The following ZNF589 variants were observed in gnomAD, a reference collection of about 807,000 sequenced individuals.
ZNF589 encodes the protein KRAB-zinc finger protein SZF1-1.
Under a neutral mutation model 13.6 loss-of-function variants are expected in ZNF589, and 17 were observed. The ratio of observed to expected loss-of-function variants is 1.25; its 90% CI spans 0.86 to 1.88. The LOEUF (loss-of-function observed/expected upper bound fraction) is 1.88. Among genes scored for constraint, ZNF589 ranks in the 40% most tolerant of loss-of-function variants. The pLI is 0.00. For missense variants in ZNF589, 407 were observed against 434.0 expected (o/e 0.94, Z 0.55); for synonymous variants, 148 against 161.6 (o/e 0.92, Z 0.64).
In ZNF589 at chr3:48,268,592, G is replaced by A; in HGVS notation, c.901G>A (p.Glu301Lys). 1 of 1,613,872 alleles carries A rather than the reference G, an allele frequency of 6.2e-7. No individual in the cohort carries two copies. The highest frequency in any genetic ancestry group is 8.5e-7 in the Non-Finnish European group (1 of 1,179,970). Residue 301 changes from glutamate (E) to lysine (K), a missense_variant, in exon 4 of 4, where the codon GAG becomes AAG. By Grantham distance (56) the Glu-to-Lys change is moderately conservative. Transcript: ENST00000354698. Reference sequence around the variant, plus strand: ...CAACCACCTGAGTACACACTCCGGGGAGAAACCTTATGTGTGCAGCCATTG... The same window carrying A: ...CAACCACCTGAGTACACACTCCGGGAAGAAACCTTATGTGTGCAGCCATTG... ...LRNHLSTHSG[E>K]KPYVCSHCGR...
chr3:48,268,019 T>G lies in ZNF589; in HGVS notation c.328T>G (p.Phe110Val). 1.2e-6 allele frequency: 2 copies of G among 1,614,154 alleles called. No individual in the cohort carries two copies. Among genetic ancestry groups the G allele is most frequent in the Non-Finnish European group, 1.7e-6 (2 of 1,180,030 alleles). Residue 110 changes from phenylalanine (F) to valine (V), a missense_variant, in exon 4 of 4, where the codon TTC (phenylalanine) becomes GTC (valine). Phe to Val is a conservative substitution (Grantham distance 50). Transcript: ENST00000354698. ...GCTACACAATCATCCTATTCCAGGT[T>G]TCCATGCAGGAAATCAACTCCACCC... ...DELHNHPIPG[F>V]HAGNQLHPGN...
chr3:48,268,792 AGG>A lies in ZNF589; in HGVS notation c.*7_*8del. On this transcript the variant is annotated 3_prime_UTR_variant, in exon 4 of 4. Transcript: ENST00000354698. ...CTTATGTGTGCAGAGATTGAGGCCG[AGG>A]CTTTGTAAGGAGATCATGTCTCAAC... The A allele has an allele frequency of 6.2e-7, 1 of 1,604,370 alleles. No homozygotes were observed. The highest frequency in any genetic ancestry group is 2.2e-5 in the East Asian group (1 of 44,748).
chr3:48,254,420 T>A (rs1428394551), intron 2 of ZNF589, among the ~76,000 whole-genome samples: 2 of 152,228 alleles, frequency 1.3e-5, no homozygotes, highest in Non-Finnish European at 2.9e-5. Context: ...TCCTTCAACT[T>A]TATTCTTCAG....
Position 48,270,924 on chromosome 3 carries a change from G to A in ZNF589, c.*2138G>A. The stretch of plus-strand genomic sequence containing the variant: ...ACCCTAATGTGTCTGGAATTGGTGG[G>A]TTCTTGGTCTTGCTGACTTCAAGAA... On this transcript the variant is annotated 3_prime_UTR_variant, in exon 4 of 4. Coordinates refer to ENST00000354698, the MANE Select transcript of ZNF589 (RefSeq NM_016089.3). The A allele has an allele frequency of 5.0e-6, 1 of 198,204 alleles. No individual in the cohort carries two copies. Among genetic ancestry groups the A allele is most frequent in the Non-Finnish European group, 1.0e-5 (1 of 99,414 alleles). The allele number at this position is 198,204 out of a possible 1,614,324, so 12.3% of individuals were successfully genotyped here. A position where few individuals can be genotyped will look rare whatever the true frequency, so the allele number is the denominator to read the frequency against.
At chr3:48,243,792 CAAAA>C (rs5848849) in intron 1 of ZNF589, among the ~76,000 whole-genome samples, 1 of 120,292 alleles carries the variant, frequency 8.3e-6, no homozygotes, top group African/African-American at 3.1e-5. Context: ...AAGTCTGTCT[CAAAA>C]AAAAAAAAAA....
chr3:48,255,679 A>G (rs982193326), intron 2 of ZNF589, among the ~76,000 whole-genome samples: 1 of 150,540 alleles, frequency 6.6e-6, no homozygotes, highest in African/African-American at 2.5e-5. Flanking sequence ...TTTTCAGTAC[A>G]GACATGGTTT....
At chr3:48,250,145 A>C (rs563436843) in intron 2 of ZNF589, among the ~76,000 whole-genome samples, 1 of 151,706 alleles carries the variant, frequency 6.6e-6, no homozygotes, top group South Asian at 2.1e-4. Context: ...AAAAAAATAC[A>C]ATTTATTATT....
chr3:48,242,192 CCT>C lies in ZNF589; in HGVS notation c.43+981_43+982del, dbSNP rs1290755132. Among the ~76,000 whole-genome samples, 3 of 152,120 alleles carry C rather than the reference CCT, an allele frequency of 2.0e-5. No homozygotes were observed. In the East Asian group the frequency reaches 5.8e-4, roughly 29 times the overall value. On this transcript the variant is annotated intron_variant, in intron 1 of 3. Transcript: ENST00000354698. ...AGTGGGCGATCTCTGCTCACTGCAACCTCTTTCTCCCAGGTTCCAGCGATTCT... is the reference window on the plus strand; with the variant it reads ...AGTGGGCGATCTCTGCTCACTGCAACCTTTCTCCCAGGTTCCAGCGATTCT...
chr3:48,269,331 G>A lies in ZNF589; in HGVS notation c.*545G>A, dbSNP rs928003508. 15 of 1,232,682 alleles carry A rather than the reference G, an allele frequency of 1.2e-5. No individual in the cohort carries two copies. The highest frequency in any genetic ancestry group is 6.6e-5 in the Admixed American group (3 of 45,216). 76.4% of individuals were successfully genotyped at this position (1,232,682 alleles called of 1,614,324 possible). On this transcript the variant is annotated 3_prime_UTR_variant, in exon 4 of 4. Transcript: ENST00000354698. ...GCTCAGTCAACCCTCCACTACCACC[G>A]GAGTACACACTCCAAGGAAAAACCT...
At chr3:48,249,678 T>C (rs1198950038) in intron 2 of ZNF589, among the ~76,000 whole-genome samples, 1 of 152,256 alleles carries the variant, frequency 6.6e-6, no homozygotes, top group Non-Finnish European at 1.5e-5. Flanking sequence ...TGACATATAA[T>C]GTTTGTACCT....
intron 1 of ZNF589, among the ~76,000 whole-genome samples, chr3:48,242,236 A>G (rs957452006): frequency 2.6e-5 from 4 of 151,938 alleles, no homozygotes; most frequent in Admixed American, 6.6e-5. Context: ...TCAGCCTACC[A>G]AGCGGCTGGA....
At chr3:48,254,971 TTCTTG>T (rs2033881761) in intron 2 of ZNF589, among the ~76,000 whole-genome samples, 1 of 152,170 alleles carries the variant, frequency 6.6e-6, no homozygotes, top group Non-Finnish European at 1.5e-5. Flanking sequence ...CATTTTCTTT[TTCTTG>T]TCTCATTGCA....
At chr3:48,246,438 A>C (rs1396528865) in intron 1 of ZNF589, among the ~76,000 whole-genome samples, 1 of 152,192 alleles carries the variant, frequency 6.6e-6, no homozygotes, top group Non-Finnish European at 1.5e-5. Flanking sequence ...TTTGTAAAAT[A>C]AGGAATAACA....
At position 48,269,009 on chromosome 3, in the gene ZNF589, G is replaced by C; in HGVS notation, c.*223G>C. 1.4e-6 allele frequency: 1 copy of C among 730,322 alleles called. No individual in the cohort carries two copies. The highest frequency in any genetic ancestry group is 2.6e-5 in the East Asian group (1 of 38,676). 45.2% of individuals were successfully genotyped at this position (730,322 alleles called of 1,614,324 possible). On this transcript the variant is annotated 3_prime_UTR_variant, in exon 4 of 4. Transcript: ENST00000354698. The stretch of plus-strand genomic sequence containing the variant: ...CAAATCACATCGGAGAACACACTCA[G>C]GGGAGAAGCCTTATGTGTGTGGGGA...
At chr3:48,242,655 G>A (rs912531759) in intron 1 of ZNF589, among the ~76,000 whole-genome samples, 1 of 152,168 alleles carries the variant, frequency 6.6e-6, no homozygotes, top group Non-Finnish European at 1.5e-5. Flanking sequence ...AGGCTTTGTA[G>A]GCCACACGGT....
chr3:48,260,317 T>C (rs1213568697), intron 2 of ZNF589, among the ~76,000 whole-genome samples: 1 of 152,136 alleles, frequency 6.6e-6, no homozygotes, highest in Non-Finnish European at 1.5e-5. Context: ...TTTGTTTATT[T>C]TTCATAGAGA....
Position 48,268,572 on chromosome 3 carries a change from A to G in ZNF589, c.881A>G (p.His294Arg), listed in dbSNP as rs777897899. The change falls in exon 4 of 4, where the codon CAC becomes CGC. Residue 294 changes from histidine to arginine, a missense_variant. His to Arg is a conservative substitution (Grantham distance 29). Coordinates refer to ENST00000354698, the MANE Select transcript of ZNF589 (RefSeq NM_016089.3). ...GFIVESVLRN[H>R]LSTHSGEKPY... ...ATAGTTGAGTCAGTCCTCCGCAACC[A>G]CCTGAGTACACACTCCGGGGAGAAA... 3 of 1,613,818 alleles carry G rather than the reference A, an allele frequency of 1.9e-6. No homozygotes were observed. Among genetic ancestry groups the G allele is most frequent in the Non-Finnish European group, 2.5e-6 (3 of 1,179,952 alleles).
Position 48,270,503 on chromosome 3 carries a change from A to G in ZNF589, c.*1717A>G. On this transcript the variant is annotated 3_prime_UTR_variant, in exon 4 of 4. Transcript: ENST00000354698. ...AGGAATGGTGCCAGGGCCTTTAGCC[A>G]TTTGTCTCTCCTCACACTCCAGGGC... 1 of 351,430 alleles carries G rather than the reference A, an allele frequency of 2.8e-6. No homozygotes were observed. The highest frequency in any genetic ancestry group is 5.6e-6 in the Non-Finnish European group (1 of 179,252). 21.8% of individuals were successfully genotyped at this position (351,430 alleles called of 1,614,324 possible).
chr3:48,256,969 A>T, intron 2 of ZNF589: 1 of 621,400 alleles, frequency 1.6e-6, no homozygotes, highest in South Asian at 1.5e-5. Flanking sequence ...CTCCACAATG[A>T]TTGATTTTCA....
Sources: gnomAD v4.1 joint callset for allele counts (sites outside exome capture counted in the v4.1 genomes callset) on GRCh38, gnomAD v4.1.1 for gene constraint, MANE v1.5 for transcripts, NCBI Gene and HGNC (gene_info 2026-07-23, HGNC 2026-07-21) for gene names.